Variants in PJA2 observed in about 807,000 individuals in gnomAD.
The protein encoded by PJA2 is E3 ubiquitin-protein ligase Praja-2.
A neutral mutation model predicts 69.3 loss-of-function variants in PJA2; 25 were observed. The ratio of observed to expected loss-of-function variants is 0.36; its 90% CI spans 0.26 to 0.50. The LOEUF (loss-of-function observed/expected upper bound fraction) is 0.50. Ranked by LOEUF, PJA2 falls within the 20% of genes least tolerant of loss-of-function variation. The probability of loss-of-function intolerance (pLI) is 0.96; values close to 1 mark genes in which losing one functional copy is unlikely to be tolerated. For synonymous variants in PJA2, 308 were observed against 277.8 expected, an observed-to-expected ratio of 1.11 and a Z score of -1.08; for missense variants, 809 against 830.2, an observed-to-expected ratio of 0.97 and a Z score of 0.31.
rs190382811 is a variant in PJA2 at position 109,403,657 on chromosome 5, G to A, written c.-88+6185C>T. On this transcript the variant is annotated intron_variant, in intron 1 of 9. Coordinates refer to ENST00000361189, the MANE Select transcript of PJA2 (RefSeq NM_014819.5). Reference sequence around the variant, plus strand: ...CAGAATGGAAGATGATTCAACATTCGCAAATAAGTTAACGTAATTCATCAC... The same window carrying A: ...CAGAATGGAAGATGATTCAACATTCACAAATAAGTTAACGTAATTCATCAC... 2.1e-3 allele frequency among the ~76,000 whole-genome samples: 312 copies of A among 150,824 alleles called. 1 individual carries two copies. Among genetic ancestry groups the A allele is most frequent in the African/African-American group, 6.8e-3 (279 of 41,142 alleles).
chr5:109,407,668 T>C (rs1441581880), intron 1 of PJA2, among the ~76,000 whole-genome samples: 1 of 152,002 alleles, frequency 6.6e-6, no homozygotes, highest in Non-Finnish European at 1.5e-5. Flanking sequence ...AATAATCTGA[T>C]ACATGATAGA....
At chr5:109,358,549 A>G (rs2126996691) in intron 6 of PJA2, among the ~76,000 whole-genome samples, 1 of 152,274 alleles carries the variant, frequency 6.6e-6, no homozygotes, top group Admixed American at 6.5e-5. Context: ...TCCCCAGCCA[A>G]GCGGGTCTCA....
At chr5:109,383,554 A>C (rs1747097059) in intron 1 of PJA2, 34 bp from the exon 2 acceptor site, 1 of 768,766 alleles carries the variant, frequency 1.3e-6, no homozygotes, top group South Asian at 2.0e-5. Flanking sequence ...CAATATATTA[A>C]TAAAAGCACA....
chr5:109,363,807 C>A (rs768010816), intron 5 of PJA2, among the ~76,000 whole-genome samples: 2 of 151,692 alleles, frequency 1.3e-5, no homozygotes, highest in Non-Finnish European at 2.9e-5. Flanking sequence ...TGGTACAGAT[C>A]AAGAAAATAA....
chr5:109,347,015 G>C (rs1762182069), intron 7 of PJA2, among the ~76,000 whole-genome samples: 1 of 152,166 alleles, frequency 6.6e-6, no homozygotes, highest in African/African-American at 2.4e-5. Flanking sequence ...AAAAGAATTT[G>C]AGATGACTTA....
chr5:109,338,158 A>G (rs1470244692), intron 9 of PJA2, among the ~76,000 whole-genome samples: 3 of 152,132 alleles, frequency 2.0e-5, no homozygotes, highest in African/African-American at 7.2e-5. Context: ...GAGGCTGAAG[A>G]GATCATGCTG....
chr5:109,379,939 T>A (rs938945333), intron 3 of PJA2, among the ~76,000 whole-genome samples: 2 of 152,108 alleles, frequency 1.3e-5, no homozygotes, highest in Non-Finnish European at 2.9e-5. Context: ...TAAATTACTT[T>A]AAGCATAACT....
At chr5:109,341,978 G>A (rs1458952975) in intron 9 of PJA2, among the ~76,000 whole-genome samples, 2,098 of 119,826 alleles carry the variant, frequency 0.018, no homozygotes, top group Non-Finnish European at 0.027. Context: ...TGCCCGGCCA[G>A]CCGCCCCGTC....
At chr5:109,377,311 A>G (rs949092404) in intron 4 of PJA2, among the ~76,000 whole-genome samples, 9 of 152,130 alleles carry the variant, frequency 5.9e-5, no homozygotes, top group Admixed American at 3.3e-4. Context: ...TCCACTAGCT[A>G]ATAAAATCTT....
At chr5:109,399,781 T>C (rs942529291) in intron 1 of PJA2, among the ~76,000 whole-genome samples, 3 of 151,972 alleles carry the variant, frequency 2.0e-5, no homozygotes, top group African/African-American at 7.3e-5. Context: ...CAGAACCAGA[T>C]AAAGCAATTA....
rs34763062 is a variant in PJA2, at chr5:109,344,170, T to TTAAC, written c.2001+19_2001+20insGTTA. 5.8e-6 allele frequency: 8 copies of TTAAC among 1,368,902 alleles called. No homozygotes were observed. In the African/African-American group the frequency reaches 2.4e-4, roughly 41 times the overall value. 84.8% of individuals were successfully genotyped at this position (1,368,902 alleles called of 1,614,324 possible). On this transcript the variant is annotated intron_variant, in intron 9 of 9. Transcript: ENST00000361189. ...ACACTATTAAAGTATTTTTAAATTT[T>TTAAC]TAATTATTCTATCACTCACCTTTTG...
At position 109,363,000 on chromosome 5, in the gene PJA2, C is replaced by A; in HGVS notation, c.1492G>T (p.Gly498Ter). The A allele has an allele frequency of 1.2e-6, 2 of 1,601,410 alleles. No individual in the cohort carries two copies. Among genetic ancestry groups the A allele is most frequent in the Non-Finnish European group, 8.5e-7 (1 of 1,170,620 alleles). The change falls in exon 6 of 10, where the codon GGA (glycine) becomes TGA (stop). Residue 498 changes from glycine to a stop codon, truncating the protein, a stop_gained. Coordinates refer to ENST00000361189, the MANE Select transcript of PJA2 (RefSeq NM_014819.5). LOFTEE classifies it high-confidence loss of function. Reference sequence around the variant, plus strand: ...TTGTACTGTAACCAAGGAATTTCTCCCTCTTCCAAGGATGTCTGTTCCCTA... The same window carrying A: ...TTGTACTGTAACCAAGGAATTTCTCACTCTTCCAAGGATGTCTGTTCCCTA... ...QEGEQTSLEE[G>*]EIPWLQYNEV...
intron 4 of PJA2, among the ~76,000 whole-genome samples, chr5:109,369,262 C>G (rs76394533): frequency 1.3e-5 from 2 of 152,208 alleles, no homozygotes; most frequent in African/African-American, 4.8e-5. Flanking sequence ...AGTGGAGTGT[C>G]GATGCCACAT....
At chr5:109,338,636 CA>C (rs11336749) in intron 9 of PJA2, among the ~76,000 whole-genome samples, 18,783 of 62,470 alleles carry the variant, frequency 0.3, 912 homozygotes, top group East Asian at 0.39. Flanking sequence ...AACTCCGTCT[CA>C]AAAAAAAAAA....
intron 1 of PJA2, among the ~76,000 whole-genome samples, chr5:109,409,501 G>A (rs1001746059): frequency 5.9e-5 from 9 of 152,068 alleles, no homozygotes; most frequent in African/African-American, 1.9e-4. Flanking sequence ...GGGCTCCTTG[G>A]CCAAGTCACC....
chr5:109,354,330 A>G (rs202130716), intron 7 of PJA2, among the ~76,000 whole-genome samples: 12,616 of 108,886 alleles, frequency 0.12, 2,314 homozygotes, highest in African/African-American at 0.29. Flanking sequence ...TATCTATGAT[A>G]TCTAGAGATA....
At chr5:109,377,708 T>C (rs542982901) in intron 4 of PJA2, among the ~76,000 whole-genome samples, 4 of 152,112 alleles carry the variant, frequency 2.6e-5, no homozygotes, top group Admixed American at 1.3e-4. Context: ...TTAATGAGAA[T>C]TGAATGCTAA....
Position 109,340,817 on chromosome 5 carries a change from G to C in PJA2, c.2001+3373C>G, listed in dbSNP as rs1339813736. 2.8e-5 allele frequency among the ~76,000 whole-genome samples: 3 copies of C among 106,928 alleles called. 1 individual carries two copies. The highest frequency in any genetic ancestry group is 6.8e-5 in the Non-Finnish European group (3 of 44,404). The allele number at this position is 106,928 out of a possible 152,430, so 70.1% of individuals were successfully genotyped here. A position where few individuals can be genotyped will look rare whatever the true frequency, so the allele number is the denominator to read the frequency against. On this transcript the variant is annotated intron_variant, in intron 9 of 9. Transcript: ENST00000361189. ...AGGCTCGCGCCGCCACACCTGACTG[G>C]TTTTGGTGGAGATGGGGTTTCGCTG...
chr5:109,370,462 G>C (rs1218935608), intron 4 of PJA2, among the ~76,000 whole-genome samples: 1 of 152,114 alleles, frequency 6.6e-6, no homozygotes, highest in Non-Finnish European at 1.5e-5. Flanking sequence ...TAGAAGCAAA[G>C]ATATAAAATC....
Sources: allele counts gnomAD v4.1 joint callset (sites outside exome capture counted in the v4.1 genomes callset), GRCh38; gene constraint gnomAD v4.1.1; transcripts MANE v1.5; gene names NCBI Gene and HGNC (gene_info 2026-07-23, HGNC 2026-07-21).